ADIRF: variants seen among roughly 807,000 people sequenced by gnomAD.
ADIRF encodes the protein adipogenesis factor rich in obesity.
ADIRF carries 9 observed loss-of-function variants against 7.8 expected under a neutral mutation model. The ratio of observed to expected loss-of-function variants is 1.15; its 90% CI spans 0.70 to 2.01. The LOEUF (loss-of-function observed/expected upper bound fraction) is 2.01, where lower values mean the gene tolerates loss of function less well. Among genes scored for constraint, ADIRF ranks in the 30% most tolerant of loss-of-function variants. The probability of loss-of-function intolerance (pLI) is 0.00; values close to 1 mark genes in which losing one functional copy is unlikely to be tolerated. For synonymous variants in ADIRF, 48 were observed against 39.9 expected, an observed-to-expected ratio of 1.20 and a Z score of -0.77; for missense variants, 106 against 98.1, an observed-to-expected ratio of 1.08 and a Z score of -0.34.
chr10:86,970,251 C>T lies in ADIRF; in HGVS notation c.113C>T (p.Ala38Val), dbSNP rs569279306. 29 of 1,460,854 alleles carry T rather than the reference C, an allele frequency of 2.0e-5. No homozygotes were observed. The highest frequency in any genetic ancestry group is 5.8e-5 in the South Asian group (4 of 68,400). The allele number at this position is 1,460,854 out of a possible 1,614,324, so 90.5% of individuals were successfully genotyped here. Residue 38 changes from alanine (A) to valine (V), a missense_variant, in exon 2 of 3, where the codon GCG becomes GTG. Coordinates refer to ENST00000372013, the MANE Select transcript of ADIRF (RefSeq NM_006829.3). ...AQQVVDQATE[A>V]GQKAMDQLAK... ...CAAGTGGTGGACCAGGCCACAGAGG[C>T]GGGGCAGAAAGGTCTGGTGGGGCTG...
intron 1 of ADIRF, 24 bp from the exon 2 acceptor site, chr10:86,970,176 A>G: frequency 7.0e-7 from 1 of 1,435,254 alleles, no homozygotes; most frequent in Non-Finnish European, 9.2e-7. Context: ...AACAGGGGCT[A>G]AAAGCCACAT....
chr10:86,970,631 G>C lies in ADIRF; in HGVS notation c.*49G>C, dbSNP rs756486380. ...TCCTGAAATGACAGCAGGGAGACTT[G>C]GGTGACCCCCCTTCCAGGCGCCATC... is the stretch of plus-strand genomic sequence containing the variant. On this transcript the variant is annotated 3_prime_UTR_variant, in exon 3 of 3. Coordinates refer to ENST00000372013, the MANE Select transcript of ADIRF (RefSeq NM_006829.3). The C allele has an allele frequency of 6.7e-7, 1 of 1,487,962 alleles. No homozygotes were observed. The highest frequency in any genetic ancestry group is 1.2e-5 in the South Asian group (1 of 83,970). The allele number at this position is 1,487,962 out of a possible 1,614,324, so 92.2% of individuals were successfully genotyped here.
chr10:86,968,813 T>C (rs1181960264), intron 1 of ADIRF: 2 of 546,188 alleles, frequency 3.7e-6, no homozygotes, highest in Middle Eastern at 4.8e-4. Flanking sequence ...GAACAGAGGC[T>C]CCGGAGGAGC....
chr10:86,969,238 G>A (rs551638331), intron 1 of ADIRF: 1 of 152,430 alleles, frequency 6.6e-6, no homozygotes, highest in African/African-American at 2.4e-5. Flanking sequence ...CCAGTCAGGA[G>A]ACAATATCCA....
At position 86,968,593 on chromosome 10, in the gene ADIRF, G is replaced by A; in HGVS notation, c.49G>A (p.Ala17Thr). Residue 17 changes from alanine to threonine, a missense_variant, in exon 1 of 3, where the codon GCC becomes ACC. Ala to Thr is a moderately conservative substitution (Grantham distance 58). Coordinates refer to ENST00000372013, the MANE Select transcript of ADIRF (RefSeq NM_006829.3). Reference sequence around the variant, plus strand: ...CCTGAAGCAACAGGTGGAGGGGACCGCCCAGGAAGCCGGTGAGGATAGCGC... The same window carrying A: ...CCTGAAGCAACAGGTGGAGGGGACCACCCAGGAAGCCGGTGAGGATAGCGC... Reference protein sequence around the residue: ...QDLKQQVEGTAQEAVSAAGAA... With the variant: ...QDLKQQVEGTTQEAVSAAGAA... 1.2e-6 allele frequency: 2 copies of A among 1,613,128 alleles called. No individual in the cohort carries two copies. The highest frequency in any genetic ancestry group is 1.7e-6 in the Non-Finnish European group (2 of 1,179,738).
intron 1 of ADIRF, chr10:86,968,806 C>T: frequency 1.7e-6 from 1 of 577,366 alleles, no homozygotes; most frequent in East Asian, 3.3e-5. Flanking sequence ...GGCAGCGGAA[C>T]AGAGGCTCCG....
At chr10:86,970,169 A>AGG in intron 1 of ADIRF, 31 bp from the exon 2 acceptor site, 2 of 1,431,212 alleles carry the variant, frequency 1.4e-6, no homozygotes, top group Non-Finnish European at 1.8e-6. Context: ...GTGCCTCAAC[A>AGG]GGGGCTAAAA....
In ADIRF at chr10:86,968,513, GC is replaced by G. The variant is rs776366012; in HGVS notation, c.-31del. Reference sequence around the variant, plus strand: ...GGCAGGATCCAACGTCGCTCCAGCTGCTCTTGACGACTCCACAGATACCCCG... The same window carrying G: ...GGCAGGATCCAACGTCGCTCCAGCTGTCTTGACGACTCCACAGATACCCCG... On this transcript the variant is annotated 5_prime_UTR_variant, in exon 1 of 3. Transcript: ENST00000372013. 6.2e-7 allele frequency: 1 copy of G among 1,612,900 alleles called. No homozygotes were observed. The highest frequency in any genetic ancestry group is 8.5e-7 in the Non-Finnish European group (1 of 1,179,464).
chr10:86,970,225 G>A lies in ADIRF; in HGVS notation c.87G>A (p.Gln29=). ...EAVSAAGAAA[Q]QVVDQATEAG... ...TGTCAGCGGCCGGAGCGGCAGCTCA[G>A]CAAGTGGTGGACCAGGCCACAGAGG... The change falls in exon 2 of 3, where the codon CAG becomes CAA. Residue 29 remains glutamine, a synonymous_variant. Coordinates refer to ENST00000372013, the MANE Select transcript of ADIRF (RefSeq NM_006829.3). 1.4e-6 allele frequency: 2 copies of A among 1,458,018 alleles called. No individual in the cohort carries two copies. Among genetic ancestry groups the A allele is most frequent in the Non-Finnish European group, 1.8e-6 (2 of 1,102,300 alleles). The allele number at this position is 1,458,018 out of a possible 1,614,324, so 90.3% of individuals were successfully genotyped here.
intron 1 of ADIRF, chr10:86,969,109 GGAGGT>G (rs1428599070): frequency 1.3e-5 from 2 of 157,782 alleles, no homozygotes; most frequent in Non-Finnish European, 2.8e-5. Flanking sequence ...TCCGTATTCT[GGAGGT>G]GACCCAGCTG....
chr10:86,970,553 AT>A lies in ADIRF; in HGVS notation c.204del (p.Ile68MetfsTer8). ...ANQASDTFSG[I>X]GKKFGLLK ...CCAGGCCTCTGACACCTTCTCTGGG[AT>A]TGGGAAAAAATTCGGCCTCCTGAAA... On this transcript the variant is annotated frameshift_variant, in exon 3 of 3. Transcript: ENST00000372013. LOFTEE classifies it high-confidence loss of function. 6.2e-7 allele frequency: 1 copy of A among 1,613,404 alleles called. No homozygotes were observed. The highest frequency in any genetic ancestry group is 8.5e-7 in the Non-Finnish European group (1 of 1,179,770).
intron 1 of ADIRF, 64 bp from the exon 2 acceptor site, chr10:86,970,136 T>C (rs1844555875): frequency 1.4e-6 from 2 of 1,385,052 alleles, no homozygotes; most frequent in Non-Finnish European, 1.9e-6. Flanking sequence ...GGCATGGCAA[T>C]GGTGGGGCAC....
chr10:86,969,321 G>A (rs894010091), intron 1 of ADIRF: 1 of 152,280 alleles, frequency 6.6e-6, no homozygotes, highest in Non-Finnish European at 1.5e-5. Flanking sequence ...ATGCTACCAA[G>A]GAAGCCTCCG....
In ADIRF at chr10:86,970,392, C is replaced by G. The variant is rs747401555; in HGVS notation, c.125-84C>G. The G allele has an allele frequency of 2.2e-5, 33 of 1,511,286 alleles. No homozygotes were observed. The South Asian group carries it at 2.9e-4, about 13-fold the overall frequency. The allele number at this position is 1,511,286 out of a possible 1,614,324, so 93.6% of individuals were successfully genotyped here. A position where few individuals can be genotyped will look rare whatever the true frequency, so the allele number is the denominator to read the frequency against. ...TCCACAATGCCCCAAGCAGGTCCCCCGGGAGACCCAGGCCAGGCTAAGCCT... is the reference window on the plus strand; with the variant it reads ...TCCACAATGCCCCAAGCAGGTCCCCGGGGAGACCCAGGCCAGGCTAAGCCT... On this transcript the variant is annotated intron_variant, in intron 2 of 2. Coordinates refer to ENST00000372013, the MANE Select transcript of ADIRF (RefSeq NM_006829.3).
chr10:86,968,723 C>T (rs1025236872), intron 1 of ADIRF, 118 bp downstream of exon 1: 2 of 1,190,802 alleles, frequency 1.7e-6, no homozygotes, highest in Non-Finnish European at 1.2e-6. Flanking sequence ...TCGGAAGGCT[C>T]GGTCCTCCAC....
intron 1 of ADIRF, 45 bp from the exon 2 acceptor site, chr10:86,970,155 G>A (rs1844556189): frequency 2.1e-6 from 3 of 1,416,782 alleles, no homozygotes; most frequent in South Asian, 1.7e-5. Flanking sequence ...ACCTGTAGTC[G>A]GTGGTGCCTC....
At chr10:86,970,317 C>T in intron 2 of ADIRF, 55 bp downstream of exon 2, 2 of 1,508,710 alleles carry the variant, frequency 1.3e-6, no homozygotes, top group Non-Finnish European at 1.8e-6. Flanking sequence ...CACTCCCCGC[C>T]CCATCCCGGC....
At chr10:86,970,297 G>C (rs1162268869) in intron 2 of ADIRF, 35 bp downstream of exon 2, 1 of 1,492,416 alleles carries the variant, frequency 6.7e-7, no homozygotes, top group Non-Finnish European at 9.0e-7. Context: ...GGCAACCCCA[G>C]CACACCTCCC....
At chr10:86,968,750 G>T (rs1208163920) in intron 1 of ADIRF, 145 bp downstream of exon 1, 7 of 864,508 alleles carry the variant, frequency 8.1e-6, no homozygotes, top group Non-Finnish European at 1.2e-5. Flanking sequence ...GCAGGGGGCA[G>T]GCAGAACGCC....
Sources: gnomAD v4.1 joint callset for allele counts on GRCh38, gnomAD v4.1.1 for gene constraint, MANE v1.5 for transcripts, NCBI Gene and HGNC (gene_info 2026-07-23, HGNC 2026-07-21) for gene names.